HLCS: variants seen among roughly 807,000 people sequenced by gnomAD.
The protein encoded by HLCS is biotin--protein ligase.
A neutral mutation model predicts 75.0 loss-of-function variants in HLCS; 53 were observed. That is an observed-to-expected ratio of 0.71 (90% confidence interval 0.57 to 0.89). The LOEUF (loss-of-function observed/expected upper bound fraction) is 0.89. Among genes scored for constraint, HLCS ranks in the 40% least tolerant of loss-of-function variants. The pLI, the probability that HLCS is intolerant of heterozygous loss-of-function variation, is 0.00. For synonymous variants in HLCS, 431 were observed against 428.6 expected (o/e 1.01, Z -0.07); for missense variants, 966 against 1,074.0 (o/e 0.90, Z 1.41).
intron 6 of HLCS, among the ~76,000 whole-genome samples, chr21:36,815,299 G>C (rs1040666471): frequency 2.0e-5 from 3 of 151,702 alleles, no homozygotes; most frequent in African/African-American, 7.3e-5. Flanking sequence ...AAAGTGCTGG[G>C]ATTGCAGGCG....
At chr21:36,962,297 C>T in intron 1 of HLCS, 127 bp from the exon 2 acceptor site, 2 of 564,576 alleles carry the variant, frequency 3.5e-6, no homozygotes, top group Non-Finnish European at 5.5e-6. Context: ...TTATCTGATG[C>T]TCCTCTGCAG....
At chr21:36,851,327 C>T (rs1372361986) in intron 6 of HLCS, among the ~76,000 whole-genome samples, 1 of 152,158 alleles carries the variant, frequency 6.6e-6, no homozygotes, top group Non-Finnish European at 1.5e-5. Context: ...TGCAGATACA[C>T]AATGGAGCAC....
rs2089284260 is a variant in HLCS at position 36,749,045 on chromosome 21, G to A, written c.*5201C>T. On this transcript the variant is annotated 3_prime_UTR_variant, in exon 11 of 11. Coordinates refer to ENST00000674895, the MANE Select transcript of HLCS (RefSeq NM_001352514.2). ...GTGAAGGAAAAACATGCTTAAGGGGGTGTAATGAAAATGATGTAGACATTT... is the reference window on the plus strand; with the variant it reads ...GTGAAGGAAAAACATGCTTAAGGGGATGTAATGAAAATGATGTAGACATTT... The A allele has an allele frequency of 6.6e-6, 1 of 152,634 alleles. No homozygotes were observed. The highest frequency in any genetic ancestry group is 2.4e-5 in the African/African-American group (1 of 41,444). 9.5% of individuals were successfully genotyped at this position (152,634 alleles called of 1,614,324 possible).
chr21:36,932,389 C>A (rs867986328), intron 4 of HLCS, among the ~76,000 whole-genome samples: 10 of 152,188 alleles, frequency 6.6e-5, no homozygotes, highest in African/African-American at 2.2e-4. Flanking sequence ...TAAGTGAGGA[C>A]TTACTGAGGA....
Position 36,984,879 on chromosome 21 carries a change from T to C in HLCS, c.-393+5279A>G, listed in dbSNP as rs541445186. Among the ~76,000 whole-genome samples the C allele has an allele frequency of 2.2e-4, 33 of 152,128 alleles. No individual in the cohort carries two copies. In the South Asian group the frequency reaches 6.4e-3, roughly 30 times the overall value. Reference sequence around the variant, plus strand: ...TTTATATTTTCTTTTTCTTGTTTTTTTTTTTTCATTTAATATTTTCAAACT... The same window carrying C: ...TTTATATTTTCTTTTTCTTGTTTTTCTTTTTTCATTTAATATTTTCAAACT... On this transcript the variant is annotated intron_variant, in intron 1 of 11. Coordinates refer to the HLCS transcript ENST00000336648.
chr21:36,823,645 G>GTGTGTGTGTGTGTGTGTGTA (rs1347977458), intron 6 of HLCS, among the ~76,000 whole-genome samples: 3 of 151,302 alleles, frequency 2.0e-5, no homozygotes, highest in African/African-American at 7.3e-5. Context: ...GTGTGTGTGT[G>GTGTGTGTGTGTGTGTGTGTA]TGTACACATG....
chr21:36,960,761 G>A (rs915343012), intron 2 of HLCS, among the ~76,000 whole-genome samples: 1 of 152,160 alleles, frequency 6.6e-6, no homozygotes, highest in Non-Finnish European at 1.5e-5. Flanking sequence ...TGGCGGGTGA[G>A]GACCCACAAG....
At chr21:36,923,862 C>T (rs1399829042) in intron 5 of HLCS, among the ~76,000 whole-genome samples, 2 of 152,090 alleles carry the variant, frequency 1.3e-5, no homozygotes, top group African/African-American at 4.8e-5. Context: ...AAAAAATTTC[C>T]AGCGTAGGTG....
chr21:36,883,636 C>T (rs1324750183), intron 6 of HLCS, among the ~76,000 whole-genome samples: 1 of 152,190 alleles, frequency 6.6e-6, no homozygotes, highest in Non-Finnish European at 1.5e-5. Flanking sequence ...GTTTTATTTG[C>T]AGTTTCCACT....
In HLCS at chr21:36,754,416, C is replaced by T. The variant is rs1418520776; in HGVS notation, c.2452G>A (p.Gly818Ser). 2.5e-6 allele frequency: 4 copies of T among 1,611,864 alleles called. No homozygotes were observed. Among genetic ancestry groups the T allele is most frequent in the Non-Finnish European group, 2.5e-6 (3 of 1,179,860 alleles). ...GCGCTGCCCAGATGGACTTGCTGAC[C>T]ACTGAAAAGGAAGAACAGCGTGCGG... The part of the protein sequence containing the change: ...PLYYRYWVHS[G>S]QQVHLGSAEG... The change falls in exon 11 of 11, where the codon GGT (glycine) becomes AGT (serine). Residue 818 changes from glycine to serine, a missense_variant and splice_region_variant. Coordinates refer to ENST00000674895, the MANE Select transcript of HLCS (RefSeq NM_001352514.2).
intron 8 of HLCS, among the ~76,000 whole-genome samples, chr21:36,762,600 T>A (rs1377274031): frequency 2.6e-5 from 4 of 152,194 alleles, no homozygotes; most frequent in Non-Finnish European, 1.5e-5. Context: ...CAGGGGCCTA[T>A]TTCAATCAAA....
chr21:36,771,252 A>ATAAATAAATATAAT (rs1400002341), intron 6 of HLCS, among the ~76,000 whole-genome samples: 2 of 150,690 alleles, frequency 1.3e-5, no homozygotes, highest in Admixed American at 6.6e-5. Flanking sequence ...ATAAATATAA[A>ATAAATAAATATAAT]ATAAAATAAA....
At chr21:36,766,786 T>C (rs1415110227) in intron 7 of HLCS, among the ~76,000 whole-genome samples, 7 of 152,106 alleles carry the variant, frequency 4.6e-5, no homozygotes. Context: ...GCCCACCATG[T>C]ACATGCAAGC....
At chr21:36,846,637 T>A (rs1470314430) in intron 6 of HLCS, among the ~76,000 whole-genome samples, 1 of 152,194 alleles carries the variant, frequency 6.6e-6, no homozygotes, top group African/African-American at 2.4e-5. Context: ...GAAATAGTTT[T>A]CAGAACAAAG....
chr21:36,798,047 CA>C (rs2061081702), intron 6 of HLCS, among the ~76,000 whole-genome samples: 1 of 152,116 alleles, frequency 6.6e-6, no homozygotes, highest in South Asian at 2.1e-4. Context: ...AACACGTGAG[CA>C]GAGACTTGAA....
chr21:36,967,086 C>G (rs1681504921), upstream of HLCS, among the ~76,000 whole-genome samples: 1 of 151,904 alleles, frequency 6.6e-6, no homozygotes, highest in African/African-American at 2.4e-5. Flanking sequence ...CCAAGTCCGG[C>G]CTCCCTTCCT....
chr21:36,884,025 G>T (rs1211479488), intron 6 of HLCS, among the ~76,000 whole-genome samples: 3 of 152,168 alleles, frequency 2.0e-5, no homozygotes, highest in African/African-American at 7.2e-5. Flanking sequence ...ACACATTTGT[G>T]GGCAATTCAC....
chr21:36,759,664 C>A (rs1049886908), intron 9 of HLCS, 63 bp downstream of exon 9: 4 of 970,678 alleles, frequency 4.1e-6, no homozygotes, highest in Middle Eastern at 2.1e-4. Flanking sequence ...CATGCATAAA[C>A]CGTCTTTATT....
At position 36,749,322 on chromosome 21, in the gene HLCS, C is replaced by T. The variant is rs550927967; in HGVS notation, c.*4924G>A. ...ACACTGCAGCATTTTGCTGCTTTAT[C>T]AAAATGGTTTATTTTAGGAAACTTT... On this transcript the variant is annotated 3_prime_UTR_variant, in exon 11 of 11. Coordinates refer to ENST00000674895, the MANE Select transcript of HLCS (RefSeq NM_001352514.2). 3 of 152,648 alleles carry T rather than the reference C, an allele frequency of 2.0e-5. No homozygotes were observed. The highest frequency in any genetic ancestry group is 3.9e-4 in the East Asian group (2 of 5,192). 9.5% of individuals were successfully genotyped at this position (152,648 alleles called of 1,614,324 possible).
Sources: allele counts gnomAD v4.1 joint callset (sites outside exome capture counted in the v4.1 genomes callset), GRCh38; gene constraint gnomAD v4.1.1; transcripts MANE v1.5; gene names NCBI Gene and HGNC (gene_info 2026-07-23, HGNC 2026-07-21).